The following AGBL1 variants were observed in gnomAD, a reference collection of about 807,000 sequenced individuals.
AGBL1 encodes cytosolic carboxypeptidase 4.
AGBL1 carries 130 observed loss-of-function variants against 118.9 expected under a neutral mutation model. That is an observed-to-expected ratio of 1.09 (90% CI 0.95 to 1.26). AGBL1 has a LOEUF of 1.26. AGBL1 is among the 50% of genes most tolerant of loss of function. The pLI is 0.00. For synonymous variants in AGBL1, 555 were observed against 478.9 expected (o/e 1.16, Z -2.08); for missense variants, 1,584 against 1,298.1 (o/e 1.22, Z -3.38).
At chr15:86,773,954 C>A (rs2078217029) in intron 22 of AGBL1, among the ~76,000 whole-genome samples, 1 of 152,080 alleles carries the variant, frequency 6.6e-6, no homozygotes, top group South Asian at 2.1e-4. Context: ...AGAGGGATAG[C>A]ACAGCCATAT....
chr15:86,178,081 A>T (rs1454415560), intron 5 of AGBL1, among the ~76,000 whole-genome samples: 1 of 152,224 alleles, frequency 6.6e-6, no homozygotes. Context: ...TGGGAGGCCA[A>T]GGTGGGCAGA....
At chr15:87,021,390 AC>A (rs2081662826) in intron 24 of AGBL1, among the ~76,000 whole-genome samples, 1 of 152,156 alleles carries the variant, frequency 6.6e-6, no homozygotes, top group South Asian at 2.1e-4. Flanking sequence ...AATTATAAAA[AC>A]CCTGAAAGAA....
intron 18 of AGBL1, among the ~76,000 whole-genome samples, chr15:86,416,450 T>G (rs920616658): frequency 3.9e-5 from 6 of 152,142 alleles, no homozygotes; most frequent in African/African-American, 1.4e-4. Flanking sequence ...AAGGGGAGAC[T>G]GCAGCACATT....
In AGBL1 at chr15:86,755,828, G is replaced by T. The variant is rs552939512; in HGVS notation, c.3158+81392G>T. Among the ~76,000 whole-genome samples, 19 of 152,236 alleles carry T rather than the reference G, an allele frequency of 1.2e-4. No homozygotes were observed. In the East Asian group the frequency reaches 3.3e-3, roughly 26 times the overall value. On this transcript the variant is annotated intron_variant, in intron 22 of 22. Coordinates refer to ENST00000614907, the MANE Select transcript of AGBL1 (RefSeq NM_001386094.1). ...ACTTCTCTCTAGCACAGGACATCTTGCTTCACCCTTAAGAAGGAAGGATGA... is the reference window on the plus strand; with the variant it reads ...ACTTCTCTCTAGCACAGGACATCTTTCTTCACCCTTAAGAAGGAAGGATGA...
At chr15:86,385,760 A>G (rs965267120) in intron 17 of AGBL1, among the ~76,000 whole-genome samples, 1 of 152,164 alleles carries the variant, frequency 6.6e-6, no homozygotes. Flanking sequence ...CATAAAGTGA[A>G]GGGTTCTGAT....
At chr15:86,639,078 A>G (rs1367540759) in intron 21 of AGBL1, among the ~76,000 whole-genome samples, 3 of 152,176 alleles carry the variant, frequency 2.0e-5, no homozygotes, top group African/African-American at 4.8e-5. Context: ...CGAGAAGGCA[A>G]TAGAGTATGA....
At chr15:86,320,657 A>G (rs1457104783) in intron 17 of AGBL1, among the ~76,000 whole-genome samples, 2 of 151,796 alleles carry the variant, frequency 1.3e-5, no homozygotes, top group East Asian at 1.9e-4. Context: ...ATTGTTTCTG[A>G]TCTTCAAAGA....
intron 18 of AGBL1, among the ~76,000 whole-genome samples, chr15:86,506,398 G>GA (rs1196012623): frequency 6.6e-6 from 1 of 152,042 alleles, no homozygotes; most frequent in Non-Finnish European, 1.5e-5. Flanking sequence ...CTATCTGGGA[G>GA]ACCCATGATG....
chr15:86,731,604 T>G (rs1015235983), intron 22 of AGBL1, among the ~76,000 whole-genome samples: 1 of 152,208 alleles, frequency 6.6e-6, no homozygotes, highest in Non-Finnish European at 1.5e-5. Flanking sequence ...CTTTCCCACT[T>G]CTGTAATGCT....
chr15:86,695,817 A>G (rs562957580), intron 22 of AGBL1, among the ~76,000 whole-genome samples: 1 of 151,982 alleles, frequency 6.6e-6, no homozygotes, highest in African/African-American at 2.4e-5. Flanking sequence ...CAGTTCAAAT[A>G]ACTTTTTAAT....
intron 22 of AGBL1, among the ~76,000 whole-genome samples, chr15:86,700,846 C>A (rs1430029275): frequency 1.3e-5 from 2 of 152,004 alleles, no homozygotes; most frequent in Non-Finnish European, 2.9e-5. Context: ...TAGTTTAAAT[C>A]GATTCATCCA....
intron 5 of AGBL1, among the ~76,000 whole-genome samples, chr15:86,171,132 A>T (rs2077408371): frequency 6.6e-6 from 1 of 152,216 alleles, no homozygotes; most frequent in African/African-American, 2.4e-5. Flanking sequence ...TCTCACGCCA[A>T]GAAATATTAA....
intron 16 of AGBL1, among the ~76,000 whole-genome samples, chr15:86,284,176 A>AAATCTGTGAG (rs2079402998): frequency 4.6e-5 from 6 of 129,182 alleles, no homozygotes; most frequent in African/African-American, 1.8e-4. Flanking sequence ...TCCATAATTC[A>AAATCTGTGAG]TACTAAAATT....
At chr15:86,827,082 C>G (rs978011025) in intron 22 of AGBL1, among the ~76,000 whole-genome samples, 3 of 150,664 alleles carry the variant, frequency 2.0e-5, no homozygotes, top group African/African-American at 7.3e-5. Flanking sequence ...CTGATTTCCC[C>G]CAAAGGGCCC....
At chr15:86,721,420 G>A (rs968353701) in intron 22 of AGBL1, among the ~76,000 whole-genome samples, 7 of 152,122 alleles carry the variant, frequency 4.6e-5, no homozygotes, top group Admixed American at 3.9e-4. Flanking sequence ...CTCAATAGAT[G>A]CAGAAAAGGC....
At chr15:86,524,067 A>G (rs1233751063) in intron 19 of AGBL1, among the ~76,000 whole-genome samples, 1 of 152,258 alleles carries the variant, frequency 6.6e-6, no homozygotes, top group Non-Finnish European at 1.5e-5. Context: ...AAGGTGGCAC[A>G]TTCAATGAAT....
At chr15:86,814,760 A>G (rs572205690) in intron 22 of AGBL1, among the ~76,000 whole-genome samples, 35 of 152,312 alleles carry the variant, frequency 2.3e-4, no homozygotes, top group African/African-American at 7.9e-4. Context: ...AACACTCACC[A>G]AAGAAAACAG....
At chr15:86,591,851 A>G (rs1311936461) in intron 21 of AGBL1, among the ~76,000 whole-genome samples, 1 of 152,090 alleles carries the variant, frequency 6.6e-6, no homozygotes, top group Admixed American at 6.6e-5. Context: ...CCAACCCCCT[A>G]ATTGTATCTT....
At chr15:86,152,620 C>T (rs1457848017) in intron 3 of AGBL1, among the ~76,000 whole-genome samples, 7 of 152,144 alleles carry the variant, frequency 4.6e-5, no homozygotes, top group Admixed American at 4.6e-4. Context: ...GACTTCATGA[C>T]TAAAACACCA....
Sources: allele counts gnomAD v4.1 joint callset (sites outside exome capture counted in the v4.1 genomes callset), GRCh38; gene constraint gnomAD v4.1.1; transcripts MANE v1.5; gene names NCBI Gene and HGNC (gene_info 2026-07-23, HGNC 2026-07-21).